Variants in RFX7 observed in about 807,000 individuals in gnomAD.
RFX7 encodes regulatory factor X7, also known as DNA-binding protein RFX7.
RFX7 carries 26 observed loss-of-function variants against 111.8 expected under a neutral mutation model. The observed-to-expected ratio is 0.23, with a 90% confidence interval of 0.17 to 0.32. The LOEUF is 0.32. Ranked by LOEUF, RFX7 falls within the 10% of genes least tolerant of loss-of-function variation. The pLI is 1.00. For synonymous variants in RFX7, 624 were observed against 624.4 expected (o/e 1.00, Z 0.01); for missense variants, 1,573 against 1,772.9 (o/e 0.89, Z 2.02).
In RFX7 at chr15:56,095,864, T is replaced by C. The variant is rs1257291850; in HGVS notation, c.1864A>G (p.Ile622Val). ...GTSTGNNQST[I>V]TLSVASQNLT... Reference sequence around the variant, plus strand: ...TTCTGAGAAGCAACTGATAGAGTGATAGTGCTTTGATTATTGCCTGTTGAC... The same window carrying C: ...TTCTGAGAAGCAACTGATAGAGTGACAGTGCTTTGATTATTGCCTGTTGAC... The change falls in exon 10 of 10, where the codon ATC (isoleucine) becomes GTC (valine). Residue 622 changes from isoleucine (I) to valine (V), a missense_variant. Ile to Val is a conservative substitution (Grantham distance 29). This residue lies in a region of RFX7 where 625 missense variants were observed against 632.2 expected (regional missense o/e 0.99). Transcript: ENST00000559447. 3.1e-6 allele frequency: 5 copies of C among 1,606,466 alleles called. No individual in the cohort carries two copies. The highest frequency in any genetic ancestry group is 1.3e-5 in the African/African-American group (1 of 74,926).
chr15:56,183,137 T>C (rs1055756740), intron 2 of RFX7, among the ~76,000 whole-genome samples: 1 of 152,128 alleles, frequency 6.6e-6, no homozygotes, highest in African/African-American at 2.4e-5. Context: ...CTGTTAGACA[T>C]AGGGATTTTC....
At chr15:56,229,830 GC>G (rs1346571517) in intron 2 of RFX7, among the ~76,000 whole-genome samples, 2 of 147,362 alleles carry the variant, frequency 1.4e-5, no homozygotes, top group East Asian at 2.0e-4. Context: ...TTGGACCCCT[GC>G]CCCCCACCCA....
chr15:56,179,186 C>A, intron 3 of RFX7, 84 bp downstream of exon 3: 1 of 612,210 alleles, frequency 1.6e-6, no homozygotes, highest in South Asian at 1.9e-5. Context: ...TATTTAAAAT[C>A]AATATTTACT....
At position 56,116,447 on chromosome 15, in the gene RFX7, C is replaced by T. The variant is rs2042009956; in HGVS notation, c.402-12777G>A. On this transcript the variant is annotated intron_variant, in intron 5 of 9. Coordinates refer to ENST00000559447, the MANE Select transcript of RFX7 (RefSeq NM_022841.7). ...GTTCCCTCTGAAGAACAGTGATCAG[C>T]CCTCAATTTTACTTTTCTGCATAAA... Among the ~76,000 whole-genome samples, 3 of 152,146 alleles carry T rather than the reference C, an allele frequency of 2.0e-5. No homozygotes were observed. In the South Asian group the frequency reaches 6.2e-4, roughly 32 times the overall value.
chr15:56,130,741 A>G (rs1595949343), intron 5 of RFX7, among the ~76,000 whole-genome samples: 1 of 152,218 alleles, frequency 6.6e-6, no homozygotes, highest in Non-Finnish European at 1.5e-5. Context: ...CTAAAAAAGA[A>G]AAATCTAAAA....
chr15:56,188,691 A>C (rs1465483852), intron 2 of RFX7, among the ~76,000 whole-genome samples: 1 of 152,258 alleles, frequency 6.6e-6, no homozygotes, highest in East Asian at 1.9e-4. Flanking sequence ...TGGAGTAACT[A>C]GACACATCTG....
At chr15:56,136,879 T>C (rs529431244) in intron 5 of RFX7, among the ~76,000 whole-genome samples, 76 of 147,754 alleles carry the variant, frequency 5.1e-4, no homozygotes, top group Non-Finnish European at 9.0e-4. Flanking sequence ...GATAATCATG[T>C]GGTTTTTGTC....
intron 5 of RFX7, among the ~76,000 whole-genome samples, chr15:56,128,418 T>C (rs1459819643): frequency 4.6e-5 from 7 of 152,190 alleles, no homozygotes; most frequent in Admixed American, 2.0e-4. Flanking sequence ...AAATGCATGA[T>C]AGGTACAACA....
intron 2 of RFX7, among the ~76,000 whole-genome samples, chr15:56,185,575 T>C (rs1324386105): frequency 6.6e-6 from 1 of 152,196 alleles, no homozygotes; most frequent in African/African-American, 2.4e-5. Context: ...CTGCTAAGAC[T>C]ACATTCTATA....
At chr15:56,140,322 G>A (rs147544702) in intron 5 of RFX7, among the ~76,000 whole-genome samples, 5,464 of 152,182 alleles carry the variant, frequency 0.036, 354 homozygotes, top group African/African-American at 0.12. Flanking sequence ...CTCGTGGTGC[G>A]CCGCTTTTTA....
chr15:56,185,621 T>C (rs1282243692), intron 2 of RFX7, among the ~76,000 whole-genome samples: 2 of 141,838 alleles, frequency 1.4e-5, no homozygotes, highest in African/African-American at 6.3e-5. Context: ...TTCTTGGTAG[T>C]ATATTCCTTT....
chr15:56,141,350 GAGTT>G (rs2042390173), intron 5 of RFX7, among the ~76,000 whole-genome samples: 1 of 151,776 alleles, frequency 6.6e-6, no homozygotes, highest in Admixed American at 6.6e-5. Flanking sequence ...TAGGTGACAA[GAGTT>G]AAACCCTGTC....
In RFX7 at chr15:56,098,379, G is replaced by A; in HGVS notation, c.812-3C>T. 6.3e-7 allele frequency: 1 copy of A among 1,578,466 alleles called. No homozygotes were observed. Among genetic ancestry groups the A allele is most frequent in the Non-Finnish European group, 8.6e-7 (1 of 1,162,044 alleles). On this transcript the variant is annotated splice_region_variant and splice_polypyrimidine_tract_variant and intron_variant, in intron 8 of 9. Coordinates refer to ENST00000559447, the MANE Select transcript of RFX7 (RefSeq NM_022841.7). ...AGGCTGGGTAATTCCTTTCATTCCT[G>A]AAAATAAACAGAAAGGAAAGCTGCA...
At chr15:56,173,967 C>A (rs2042874045) in intron 3 of RFX7, among the ~76,000 whole-genome samples, 1 of 151,892 alleles carries the variant, frequency 6.6e-6, no homozygotes, top group Non-Finnish European at 1.5e-5. Flanking sequence ...AAGACAGAAA[C>A]AAAATGGAGG....
chr15:56,095,411 A>C lies in RFX7; in HGVS notation c.2317T>G (p.Ser773Ala), dbSNP rs1230091067. The change falls in exon 10 of 10, where the codon TCA becomes GCA. Residue 773 changes from serine (S) to alanine (A), a missense_variant. Physicochemically the swap from Ser to Ala is moderately conservative, Grantham distance 99. Transcript: ENST00000559447. Reference protein sequence around the residue: ...SVFLLDSDSKSVGSFNPNGWQ... With the variant: ...SVFLLDSDSKAVGSFNPNGWQ... ...CCATTTGGATTAAAGCTGCCAACTGACTTTGAATCACTGTCCAAGAGAAAG... is the reference window on the plus strand; with the variant it reads ...CCATTTGGATTAAAGCTGCCAACTGCCTTTGAATCACTGTCCAAGAGAAAG... 2 of 1,613,278 alleles carry C rather than the reference A, an allele frequency of 1.2e-6. No homozygotes were observed. The highest frequency in any genetic ancestry group is 1.7e-6 in the Non-Finnish European group (2 of 1,179,874).
intron 5 of RFX7, among the ~76,000 whole-genome samples, chr15:56,135,929 T>C (rs1313610688): frequency 6.6e-6 from 1 of 152,186 alleles, no homozygotes. Flanking sequence ...TAGTTGTAGA[T>C]ATGCGGCATT....
Position 56,204,654 on chromosome 15 carries a change from G to T in RFX7, c.162-25351C>A, listed in dbSNP as rs2043232953. ...TTTTTGATTTGATCAAAACCAAAAGGTAATGATCTATGGAGCTATACTATC... is the reference window on the plus strand; with the variant it reads ...TTTTTGATTTGATCAAAACCAAAAGTTAATGATCTATGGAGCTATACTATC... On this transcript the variant is annotated intron_variant, in intron 2 of 9. Transcript: ENST00000559447. Among the ~76,000 whole-genome samples the T allele has an allele frequency of 1.3e-5, 2 of 152,232 alleles. 1 individual carries two copies. Among genetic ancestry groups the T allele is most frequent in the South Asian group, 4.1e-4 (2 of 4,826 alleles).
At chr15:56,150,601 G>A (rs114868850) in intron 3 of RFX7, among the ~76,000 whole-genome samples, 119 of 152,322 alleles carry the variant, frequency 7.8e-4, no homozygotes, top group Middle Eastern at 3.4e-3. Flanking sequence ...AATCCACAAA[G>A]ATGAGGGAAA....
At chr15:56,101,847 A>G (rs1411823833) in intron 7 of RFX7, among the ~76,000 whole-genome samples, 1 of 152,226 alleles carries the variant, frequency 6.6e-6, no homozygotes, top group Admixed American at 6.5e-5. Context: ...AAACTATGCC[A>G]ATAGCCACAC....
Sources: allele counts gnomAD v4.1 joint callset (sites outside exome capture counted in the v4.1 genomes callset), GRCh38; gene constraint gnomAD v4.1.1; regional missense constraint gnomAD v4.1.1; transcripts MANE v1.5; gene names NCBI Gene and HGNC (gene_info 2026-07-23, HGNC 2026-07-21).